Variants in BORCS5 observed in about 807,000 individuals in gnomAD.
BORCS5 encodes BLOC-1-related complex subunit 5.
In BORCS5, 17 loss-of-function variants were observed where a neutral mutation model predicts 22.1. The observed-to-expected ratio is 0.77, with a 90% CI of 0.53 to 1.15. BORCS5 has a LOEUF of 1.15. Among genes scored for constraint, BORCS5 ranks in the 50% most tolerant of loss-of-function variants. The pLI, the probability that BORCS5 is intolerant of heterozygous loss-of-function variation, is 0.00. For missense variants in BORCS5, 247 were observed against 253.2 expected, an observed-to-expected ratio of 0.98 and a Z score of 0.17; for synonymous variants, 117 against 99.8, an observed-to-expected ratio of 1.17 and a Z score of -1.03.
At chr12:12,451,224 TA>T (rs1009595734) in intron 3 of BORCS5, among the ~76,000 whole-genome samples, 4 of 151,786 alleles carry the variant, frequency 2.6e-5, no homozygotes, top group Non-Finnish European at 5.9e-5. Flanking sequence ...CAGAGGGTTG[TA>T]AAAAAAATTA....
chr12:12,414,838 C>A (rs911964212), intron 2 of BORCS5, among the ~76,000 whole-genome samples: 1 of 147,362 alleles, frequency 6.8e-6, no homozygotes, highest in African/African-American at 2.6e-5. Context: ...TCAGACGGGG[C>A]GGCCGGGCAG....
intron 2 of BORCS5, among the ~76,000 whole-genome samples, chr12:12,398,839 A>T (rs1941407570): frequency 6.6e-6 from 1 of 152,222 alleles, no homozygotes; most frequent in African/African-American, 2.4e-5. Flanking sequence ...TGTCAAGATT[A>T]GCCAACTATT....
In BORCS5 at chr12:12,455,026, C is replaced by T. The variant is rs115343029; in HGVS notation, c.361-10520C>T. On this transcript the variant is annotated intron_variant, in intron 3 of 3. Coordinates refer to ENST00000314565, the MANE Select transcript of BORCS5 (RefSeq NM_058169.6). Reference sequence around the variant, plus strand: ...TACATTGCTAAAAATCAGCAATATGCCCATCTTCAAATAACAGATTGTTAC... The same window carrying T: ...TACATTGCTAAAAATCAGCAATATGTCCATCTTCAAATAACAGATTGTTAC... 9.0e-3 allele frequency among the ~76,000 whole-genome samples: 1,378 copies of T among 152,270 alleles called. 20 individuals are homozygous for T. Among genetic ancestry groups the T allele is most frequent in the African/African-American group, 0.031 (1,301 of 41,530 alleles).
At chr12:12,423,881 G>T (rs1362277611) in intron 2 of BORCS5, among the ~76,000 whole-genome samples, 2 of 152,004 alleles carry the variant, frequency 1.3e-5, no homozygotes, top group African/African-American at 4.8e-5. Context: ...GTAGAGATGG[G>T]GTTTTGCCAT....
intron 3 of BORCS5, among the ~76,000 whole-genome samples, chr12:12,439,553 A>G (rs979687179): frequency 4.7e-5 from 4 of 84,902 alleles, no homozygotes; most frequent in African/African-American, 1.9e-4. Flanking sequence ...GTTTGAGCTC[A>G]GGAGGCAGAG....
rs1229075109 is a variant in BORCS5, at chr12:12,467,855, C to G, written c.*2079C>G. 6.6e-6 allele frequency: 1 copy of G among 152,246 alleles called. No individual in the cohort carries two copies. Among genetic ancestry groups the G allele is most frequent in the Non-Finnish European group, 1.5e-5 (1 of 68,064 alleles). 9.4% of individuals were successfully genotyped at this position (152,246 alleles called of 1,614,324 possible). A position where few individuals can be genotyped will look rare whatever the true frequency, so the allele number is the denominator to read the frequency against. ...ATGTAGGTCAGGCCCTGTTCCATCA[C>G]GTGCACGTTACCATGGATCTCCTGC... On this transcript the variant is annotated 3_prime_UTR_variant, in exon 4 of 4. Transcript: ENST00000314565.
chr12:12,448,926 G>A (rs866558049), intron 3 of BORCS5, among the ~76,000 whole-genome samples: 2 of 152,126 alleles, frequency 1.3e-5, no homozygotes, highest in South Asian at 4.1e-4. Context: ...TATAATACTC[G>A]CTGCATAGTG....
chr12:12,439,306 A>G (rs997234024), intron 3 of BORCS5, among the ~76,000 whole-genome samples: 1 of 152,074 alleles, frequency 6.6e-6, no homozygotes, highest in South Asian at 2.1e-4. Flanking sequence ...CCAGGGGAGA[A>G]CCAGTGTTTT....
chr12:12,396,345 G>A (rs1175406469), intron 2 of BORCS5, among the ~76,000 whole-genome samples: 5 of 152,200 alleles, frequency 3.3e-5, no homozygotes, highest in Admixed American at 6.5e-5. Flanking sequence ...AGTAGGAGCC[G>A]TTTCACTGAT....
intron 2 of BORCS5, among the ~76,000 whole-genome samples, chr12:12,408,248 C>G (rs1704756410): frequency 1.3e-5 from 2 of 152,202 alleles, no homozygotes; most frequent in South Asian, 4.1e-4. Context: ...GTGAATAATG[C>G]TGCTGTGAAC....
At chr12:12,401,585 AAAG>A (rs1941477418) in intron 2 of BORCS5, among the ~76,000 whole-genome samples, 1 of 152,166 alleles carries the variant, frequency 6.6e-6, no homozygotes, top group South Asian at 2.1e-4. Context: ...AAATGACAAA[AAAG>A]AAAATTAAAA....
intron 3 of BORCS5, among the ~76,000 whole-genome samples, chr12:12,449,670 A>G (rs935506856): frequency 2.6e-5 from 4 of 152,226 alleles, no homozygotes; most frequent in Admixed American, 2.0e-4. Context: ...TTTCTGAGAC[A>G]TTTAGATACA....
intron 2 of BORCS5, among the ~76,000 whole-genome samples, chr12:12,373,127 A>T (rs144727504): frequency 9.2e-5 from 14 of 152,282 alleles, no homozygotes; most frequent in African/African-American, 2.9e-4. Flanking sequence ...TCACGCCCTT[A>T]CAAGAAGAGA....
intron 1 of BORCS5, among the ~76,000 whole-genome samples, chr12:12,359,050 A>T (rs753860903): frequency 1.3e-5 from 2 of 152,134 alleles, no homozygotes; most frequent in Non-Finnish European, 2.9e-5. Flanking sequence ...TTAAAGATTC[A>T]TTCTTGTCCC....
intron 2 of BORCS5, among the ~76,000 whole-genome samples, chr12:12,362,567 C>T (rs1466077128): frequency 6.6e-6 from 1 of 150,610 alleles, no homozygotes; most frequent in East Asian, 1.9e-4. Flanking sequence ...TCCCTACAGG[C>T]CTGAGAGTTA....
chr12:12,420,236 A>G (rs919091237), intron 2 of BORCS5, among the ~76,000 whole-genome samples: 2 of 151,430 alleles, frequency 1.3e-5, no homozygotes, highest in African/African-American at 4.9e-5. Flanking sequence ...GGTGTAAGGA[A>G]GGGATCCAGT....
Position 12,445,280 on chromosome 12 carries a change from A to G in BORCS5, c.360+9495A>G, listed in dbSNP as rs1416557894. Among the ~76,000 whole-genome samples, 3 of 152,190 alleles carry G rather than the reference A, an allele frequency of 2.0e-5. No individual in the cohort carries two copies. The East Asian group carries it at 5.8e-4, about 29-fold the overall frequency. ...TGGTCTTGAACTCCTGGCCTCAAGC[A>G]ATCCTCCTACCCACCTCCCCAAAGT... On this transcript the variant is annotated intron_variant, in intron 3 of 3. Transcript: ENST00000314565.
intron 3 of BORCS5, among the ~76,000 whole-genome samples, chr12:12,461,449 A>G (rs1439576440): frequency 3.9e-5 from 6 of 152,034 alleles, no homozygotes; most frequent in Non-Finnish European, 1.5e-5. Flanking sequence ...TGAGATGACA[A>G]GCATGAACCA....
At chr12:12,369,860 G>T (rs749634525) in intron 2 of BORCS5, among the ~76,000 whole-genome samples, 12 of 151,080 alleles carry the variant, frequency 7.9e-5, no homozygotes, top group Non-Finnish European at 1.2e-4. Context: ...GAGTAGCTGG[G>T]ACTACAGGTG....
Sources: gnomAD v4.1 joint callset for allele counts (sites outside exome capture counted in the v4.1 genomes callset) on GRCh38, gnomAD v4.1.1 for gene constraint, MANE v1.5 for transcripts, NCBI Gene and HGNC (gene_info 2026-07-23, HGNC 2026-07-21) for gene names.